NCOA1: variants seen among roughly 807,000 people sequenced by gnomAD.
NCOA1 encodes Hin-2 protein.
NCOA1 carries 35 observed loss-of-function variants against 150.9 expected under a neutral mutation model. The ratio of observed to expected loss-of-function variants is 0.23; its 90% CI spans 0.18 to 0.31. The LOEUF (loss-of-function observed/expected upper bound fraction) is 0.31, where lower values mean the gene tolerates loss of function less well. Ranked by LOEUF, NCOA1 falls within the 10% of genes least tolerant of loss-of-function variation. The probability of loss-of-function intolerance (pLI) is 1.00; values close to 1 mark genes in which losing one functional copy is unlikely to be tolerated. For synonymous variants in NCOA1, 590 were observed against 630.0 expected (o/e 0.94, Z 0.95); for missense variants, 1,491 against 1,749.3 (o/e 0.85, Z 2.63).
intron 21 of NCOA1, among the ~76,000 whole-genome samples, chr2:24,759,513 T>C (rs1664669157): frequency 6.6e-6 from 1 of 152,204 alleles, no homozygotes; most frequent in Non-Finnish European, 1.5e-5. Context: ...CTCTTACATA[T>C]TTTTAGAAGA....
chr2:24,633,511 G>A (rs532038422), intron 3 of NCOA1, among the ~76,000 whole-genome samples: 3 of 152,184 alleles, frequency 2.0e-5, no homozygotes, highest in African/African-American at 7.2e-5. Context: ...ATAATTGAAG[G>A]CGAAGTACTT....
At chr2:24,657,921 A>C (rs1273577775) in intron 4 of NCOA1, among the ~76,000 whole-genome samples, 1 of 152,186 alleles carries the variant, frequency 6.6e-6, no homozygotes, top group Non-Finnish European at 1.5e-5. Context: ...GAGTTTCATT[A>C]GGGATTATAT....
intron 3 of NCOA1, among the ~76,000 whole-genome samples, chr2:24,590,228 G>A (rs1667598808): frequency 6.6e-6 from 1 of 152,082 alleles, no homozygotes; most frequent in African/African-American, 2.4e-5. Flanking sequence ...TAGAATAGGA[G>A]GGAAGTCAGT....
At chr2:24,572,180 G>A (rs766734920) in intron 2 of NCOA1, among the ~76,000 whole-genome samples, 11 of 152,132 alleles carry the variant, frequency 7.2e-5, no homozygotes, top group Non-Finnish European at 1.5e-4. Flanking sequence ...CTTTTGAAAT[G>A]GGGAGGGAAG....
intron 3 of NCOA1, among the ~76,000 whole-genome samples, chr2:24,619,045 G>C (rs1283299598): frequency 6.6e-6 from 1 of 152,094 alleles, no homozygotes; most frequent in East Asian, 1.9e-4. Context: ...GGATTTTTAC[G>C]TGAGAGGAAT....
chr2:24,492,742 G>A (rs760596743), intron 1 of NCOA1, among the ~76,000 whole-genome samples: 11 of 152,166 alleles, frequency 7.2e-5, no homozygotes, highest in Non-Finnish European at 1.5e-4. Flanking sequence ...GGGTTCTTGA[G>A]TGAATTGCAG....
At chr2:24,750,564 T>C (rs1390082473) in intron 19 of NCOA1, among the ~76,000 whole-genome samples, 1 of 152,188 alleles carries the variant, frequency 6.6e-6, no homozygotes, top group Non-Finnish European at 1.5e-5. Flanking sequence ...GCTAAGTGAA[T>C]GCAAGCCAGA....
intron 14 of NCOA1, among the ~76,000 whole-genome samples, chr2:24,726,084 T>A (rs903594935): frequency 6.6e-6 from 1 of 152,200 alleles, no homozygotes; most frequent in Non-Finnish European, 1.5e-5. Context: ...TCAGTTCTTA[T>A]ACTGTTATTG....
chr2:24,519,246 A>G (rs570857874), intron 1 of NCOA1, among the ~76,000 whole-genome samples: 2 of 152,350 alleles, frequency 1.3e-5, no homozygotes, highest in East Asian at 3.9e-4. Flanking sequence ...TGAAATACTG[A>G]TACGTGCTAC....
intron 1 of NCOA1, among the ~76,000 whole-genome samples, chr2:24,531,130 A>G (rs962797347): frequency 7.2e-5 from 11 of 152,334 alleles, no homozygotes; most frequent in Admixed American, 5.9e-4. Context: ...ACCTTTGTAC[A>G]CTGTTGGTAG....
chr2:24,683,148 T>C lies in NCOA1; in HGVS notation c.532+20T>C, dbSNP rs1396866113. On this transcript the variant is annotated intron_variant, in intron 8 of 22. Transcript: ENST00000348332. Reference sequence around the variant, plus strand: ...CACTAGGTAAACAGAAATGTGTTTTTAAAAAGAATACTAGCTCTCTGTATC... The same window carrying C: ...CACTAGGTAAACAGAAATGTGTTTTCAAAAAGAATACTAGCTCTCTGTATC... 6 of 1,511,184 alleles carry C rather than the reference T, an allele frequency of 4.0e-6. No homozygotes were observed. In the Admixed American group the frequency reaches 9.4e-5, roughly 24 times the overall value. The allele number at this position is 1,511,184 out of a possible 1,614,324, so 93.6% of individuals were successfully genotyped here. A position where few individuals can be genotyped will look rare whatever the true frequency, so the allele number is the denominator to read the frequency against.
At chr2:24,514,797 A>G (rs2148117235) in intron 1 of NCOA1, among the ~76,000 whole-genome samples, 1 of 152,324 alleles carries the variant, frequency 6.6e-6, no homozygotes, top group South Asian at 2.1e-4. Context: ...AAAAAAAAGT[A>G]AACGTATAAA....
chr2:24,625,830 CTTACTG>C (rs1405789911), intron 3 of NCOA1, among the ~76,000 whole-genome samples: 4 of 149,800 alleles, frequency 2.7e-5, no homozygotes, highest in African/African-American at 9.9e-5. Flanking sequence ...TTCTAAATGT[CTTACTG>C]TTACTGGTTT....
chr2:24,494,878 G>A (rs146775485), intron 1 of NCOA1, among the ~76,000 whole-genome samples: 11 of 152,318 alleles, frequency 7.2e-5, no homozygotes, highest in African/African-American at 2.2e-4. Context: ...CAGATTAGCA[G>A]TAGTTTAGCC....
At chr2:24,564,912 C>A (rs1034569330) in intron 2 of NCOA1, among the ~76,000 whole-genome samples, 1 of 152,088 alleles carries the variant, frequency 6.6e-6, no homozygotes, top group African/African-American at 2.4e-5. Context: ...CTGAATGCAG[C>A]ACTCTGAGTC....
At chr2:24,557,013 G>C (rs1364671626) in intron 1 of NCOA1, among the ~76,000 whole-genome samples, 2 of 149,290 alleles carry the variant, frequency 1.3e-5, no homozygotes, top group African/African-American at 5.0e-5. Context: ...TTGTTGGGTT[G>C]GGGGGGGTGG....
intron 3 of NCOA1, among the ~76,000 whole-genome samples, chr2:24,635,699 G>A (rs563257770): frequency 3.3e-5 from 5 of 152,200 alleles, no homozygotes; most frequent in African/African-American, 7.2e-5. Flanking sequence ...CATCCCCTAC[G>A]AAATGTTTTA....
intron 1 of NCOA1, among the ~76,000 whole-genome samples, chr2:24,522,808 A>AT (rs1287523747): frequency 6.6e-6 from 1 of 152,234 alleles, no homozygotes; most frequent in Non-Finnish European, 1.5e-5. Context: ...CAACATTATT[A>AT]TTAGAGGAAG....
chr2:24,525,581 C>CT (rs1664620353), intron 1 of NCOA1, among the ~76,000 whole-genome samples: 1 of 147,816 alleles, frequency 6.8e-6, no homozygotes, highest in African/African-American at 2.5e-5. Context: ...CAGTCTTGCT[C>CT]TGTCACCCAG....
Sources: gnomAD v4.1 joint callset for allele counts (sites outside exome capture counted in the v4.1 genomes callset) on GRCh38, gnomAD v4.1.1 for gene constraint, MANE v1.5 for transcripts, NCBI Gene and HGNC (gene_info 2026-07-23, HGNC 2026-07-21) for gene names.